Variants in SVIL observed in about 807,000 individuals in gnomAD.
SVIL encodes supervillin, also known as archvillin.
In SVIL, 101 loss-of-function variants were observed where a neutral mutation model predicts 240.4. The ratio of observed to expected loss-of-function variants is 0.42; its 90% CI spans 0.36 to 0.50. SVIL has a LOEUF of 0.50. Among genes scored for constraint, SVIL ranks in the 20% least tolerant of loss-of-function variants. The probability of loss-of-function intolerance (pLI) is 0.01; values close to 1 mark genes in which losing one functional copy is unlikely to be tolerated. For synonymous variants in SVIL, 999 were observed against 1,100.0 expected, an observed-to-expected ratio of 0.91 and a Z score of 1.82; for missense variants, 2,512 against 2,818.7, an observed-to-expected ratio of 0.89 and a Z score of 2.46.
At chr10:29,695,464 G>T (rs1961854852) in intron 1 of SVIL, among the ~76,000 whole-genome samples, 1 of 152,082 alleles carries the variant, frequency 6.6e-6, no homozygotes, top group South Asian at 2.1e-4. Flanking sequence ...TTAAAAAATA[G>T]CCCAGGCGTG....
chr10:29,691,261 G>A (rs904062691), intron 1 of SVIL, among the ~76,000 whole-genome samples: 3 of 151,346 alleles, frequency 2.0e-5, no homozygotes, highest in African/African-American at 4.9e-5. Flanking sequence ...GCCCAGGCTG[G>A]AGTGCAGTGG....
At chr10:29,468,850 C>T (rs934739900) in intron 32 of SVIL, 2 of 152,106 alleles carry the variant, frequency 1.3e-5, no homozygotes, top group Non-Finnish European at 2.9e-5. Context: ...TCTAATGTGT[C>T]ATGAAAATTA....
At chr10:29,589,626 G>A (rs138093126) in intron 1 of SVIL, among the ~76,000 whole-genome samples, 16 of 152,180 alleles carry the variant, frequency 1.1e-4, no homozygotes, top group Non-Finnish European at 1.8e-4. Flanking sequence ...CAGAGACCAG[G>A]CAAGAAAAGA....
intron 1 of SVIL, among the ~76,000 whole-genome samples, chr10:29,731,067 C>T (rs571858557): frequency 7.0e-4 from 106 of 152,312 alleles, no homozygotes; most frequent in Admixed American, 1.1e-3. Context: ...TTCTGCTCCT[C>T]GATTCTTACT....
intron 6 of SVIL, among the ~76,000 whole-genome samples, chr10:29,540,905 T>G (rs1952100685): frequency 6.6e-6 from 1 of 152,224 alleles, no homozygotes; most frequent in Non-Finnish European, 1.5e-5. Context: ...CTTTCCACCT[T>G]GGAGCAGCGC....
At position 29,480,525 on chromosome 10, in the gene SVIL, G is replaced by A. The variant is rs748925176; in HGVS notation, c.5377+12C>T. ...CTCTTTCAGCTGGAAAAAACCACAA[G>A]CGCTCACTAACCTGCCGTGCTCACC... is the stretch of plus-strand genomic sequence containing the variant. On this transcript the variant is annotated intron_variant, in intron 29 of 37. Coordinates refer to ENST00000355867, the MANE Select transcript of SVIL (RefSeq NM_021738.3). The A allele has an allele frequency of 6.8e-6, 11 of 1,609,300 alleles. No individual in the cohort carries two copies. The East Asian group carries it at 1.3e-4, about 20-fold the overall frequency.
intron 16 of SVIL, among the ~76,000 whole-genome samples, chr10:29,518,563 T>C: frequency 6.6e-6 from 1 of 152,076 alleles, no homozygotes; most frequent in East Asian, 1.9e-4. Flanking sequence ...CTGTCTTCAA[T>C]ATTAAATGAA....
intron 3 of SVIL, among the ~76,000 whole-genome samples, chr10:29,647,540 T>C (rs1958697673): frequency 6.6e-6 from 1 of 152,158 alleles, no homozygotes; most frequent in Admixed American, 6.6e-5. Context: ...CTTGTTCCAG[T>C]TTATATTCAA....
intron 1 of SVIL, among the ~76,000 whole-genome samples, chr10:29,617,334 G>A (rs1957462060): frequency 6.6e-6 from 1 of 152,134 alleles, no homozygotes. Context: ...TTGCACAAGA[G>A]AGGATAAAGA....
chr10:29,466,871 C>T (rs7097163), intron 33 of SVIL, among the ~76,000 whole-genome samples: 10,538 of 152,036 alleles, frequency 0.069, 1,173 homozygotes, highest in African/African-American at 0.24. Context: ...TAATTTCAAA[C>T]GTTTTCTAGG....
At chr10:29,520,699 G>C (rs1950503680) in intron 16 of SVIL, among the ~76,000 whole-genome samples, 1 of 152,104 alleles carries the variant, frequency 6.6e-6, no homozygotes, top group Admixed American at 6.6e-5. Flanking sequence ...TTTGAGGCCA[G>C]GAGTTCGAGA....
At chr10:29,665,830 C>T (rs1480483673) in intron 2 of SVIL, among the ~76,000 whole-genome samples, 2 of 151,930 alleles carry the variant, frequency 1.3e-5, no homozygotes, top group African/African-American at 4.8e-5. Context: ...AAACAAAAAA[C>T]CCTACTGCTA....
intron 1 of SVIL, among the ~76,000 whole-genome samples, chr10:29,621,183 C>T (rs1279928848): frequency 1.3e-5 from 2 of 152,174 alleles, no homozygotes; most frequent in African/African-American, 4.8e-5. Context: ...TGAAAAATCA[C>T]TCAAATTGTA....
chr10:29,550,336 T>C (rs1393648685), intron 6 of SVIL, among the ~76,000 whole-genome samples: 2 of 151,428 alleles, frequency 1.3e-5, no homozygotes, highest in East Asian at 1.9e-4. Context: ...CAGCTACTTA[T>C]GAGGCTGAGG....
intron 29 of SVIL, among the ~76,000 whole-genome samples, chr10:29,478,738 T>C (rs1323267293): frequency 2.0e-5 from 3 of 151,168 alleles, no homozygotes; most frequent in African/African-American, 7.3e-5. Flanking sequence ...CTGGGCAACA[T>C]AGTGAGACCT....
intron 1 of SVIL, among the ~76,000 whole-genome samples, chr10:29,695,301 T>C (rs901036037): frequency 1.3e-5 from 2 of 152,128 alleles, no homozygotes; most frequent in Non-Finnish European, 2.9e-5. Context: ...GAGTGAGGGA[T>C]GAAAAAGTAC....
rs761214023 is a variant in SVIL, at chr10:29,524,490, T to A, written c.2568A>T (p.Thr856=). ...MNARYQTQPV[T]LGEVEQVQSG... is the part of the protein sequence containing the mutation. ...CACCCACCTGCTCCACCTCTCCCAG[T>A]GTGACTGGCTGAGTTTGATAGCGAG... The change falls in exon 14 of 38, where the codon ACA becomes ACT. Residue 856 remains threonine, a synonymous_variant. Transcript: ENST00000355867. The A allele has an allele frequency of 6.2e-7, 1 of 1,614,176 alleles. No homozygotes were observed. The highest frequency in any genetic ancestry group is 8.5e-7 in the Non-Finnish European group (1 of 1,180,028).
intron 1 of SVIL, among the ~76,000 whole-genome samples, chr10:29,577,114 C>T (rs1045808020): frequency 1.3e-5 from 2 of 152,144 alleles, no homozygotes; most frequent in Non-Finnish European, 2.9e-5. Context: ...CTCCTGACCT[C>T]ATGATCCACC....
At position 29,481,742 on chromosome 10, in the gene SVIL, G is replaced by T. The variant is rs572331548; in HGVS notation, c.4956-14C>A. The T allele has an allele frequency of 6.2e-7, 1 of 1,610,336 alleles. No homozygotes were observed. The highest frequency in any genetic ancestry group is 2.2e-5 in the East Asian group (1 of 44,836). On this transcript the variant is annotated splice_polypyrimidine_tract_variant and intron_variant, in intron 27 of 37. Coordinates refer to ENST00000355867, the MANE Select transcript of SVIL (RefSeq NM_021738.3). ...CCCTGTCCTTTTCTGTAGGGTGGGA[G>T]GGGGGTTGGGAGAACAGACAGGAAA...
Sources: allele counts gnomAD v4.1 joint callset (sites outside exome capture counted in the v4.1 genomes callset), GRCh38; gene constraint gnomAD v4.1.1; transcripts MANE v1.5; gene names NCBI Gene and HGNC (gene_info 2026-07-23, HGNC 2026-07-21).